Variants in KCNQ5 observed in about 807,000 individuals in gnomAD.
KCNQ5 encodes the protein potassium voltage-gated channel subfamily Q member 5.
In KCNQ5, 30 loss-of-function variants were observed where a neutral mutation model predicts 98.2. The observed-to-expected ratio is 0.31, with a 90% CI of 0.23 to 0.41. KCNQ5 has a LOEUF of 0.41. KCNQ5 is among the 10% of genes least tolerant of loss of function. KCNQ5 has a pLI of 1.00. For missense variants in KCNQ5, 835 were observed against 1,182.5 expected (o/e 0.71, Z 4.31); for synonymous variants, 458 against 449.4 (o/e 1.02, Z -0.24).
At chr6:73,073,318 A>G (rs981093932) in intron 3 of KCNQ5, among the ~76,000 whole-genome samples, 3 of 152,212 alleles carry the variant, frequency 2.0e-5, no homozygotes, top group Non-Finnish European at 4.4e-5. Flanking sequence ...TGGCTTGAAG[A>G]ATTAAATAAA....
intron 1 of KCNQ5, among the ~76,000 whole-genome samples, chr6:72,853,552 CA>C (rs2150144958): frequency 6.6e-6 from 1 of 152,262 alleles, no homozygotes; most frequent in East Asian, 1.9e-4. Flanking sequence ...CCATGTTGGC[CA>C]AAGTGGTCTC....
At chr6:72,655,559 C>A (rs1410870415) in intron 1 of KCNQ5, among the ~76,000 whole-genome samples, 2 of 151,948 alleles carry the variant, frequency 1.3e-5, no homozygotes, top group Non-Finnish European at 2.9e-5. Context: ...GGATGAGGAA[C>A]AACATGGGCA....
intron 1 of KCNQ5, among the ~76,000 whole-genome samples, chr6:72,937,988 A>G (rs192278252): frequency 1.6e-4 from 24 of 152,276 alleles, no homozygotes; most frequent in Admixed American, 8.5e-4. Flanking sequence ...CACTCTTTCT[A>G]AGTCTGTTTT....
intron 1 of KCNQ5, among the ~76,000 whole-genome samples, chr6:72,970,766 C>T (rs1008969215): frequency 1.3e-5 from 2 of 152,126 alleles, no homozygotes; most frequent in African/African-American, 2.4e-5. Context: ...CCCTATTTAA[C>T]AGATGGTGCT....
At chr6:72,733,781 C>A (rs1343128480) in intron 1 of KCNQ5, among the ~76,000 whole-genome samples, 4 of 152,198 alleles carry the variant, frequency 2.6e-5, no homozygotes, top group African/African-American at 9.7e-5. Context: ...TTAATGGTTT[C>A]TAATGGGTAA....
intron 1 of KCNQ5, among the ~76,000 whole-genome samples, chr6:72,698,387 G>A (rs184064108): frequency 2.6e-5 from 4 of 152,122 alleles, no homozygotes; most frequent in Admixed American, 1.3e-4. Flanking sequence ...GTTTTGAGTA[G>A]AGATGGGGTT....
At chr6:73,095,040 C>T (rs1455171507) in intron 5 of KCNQ5, among the ~76,000 whole-genome samples, 3 of 152,198 alleles carry the variant, frequency 2.0e-5, no homozygotes, top group African/African-American at 7.2e-5. Context: ...GATTTCTCTT[C>T]TTCCTCAAGA....
chr6:72,808,891 G>T (rs1404904694), intron 1 of KCNQ5, among the ~76,000 whole-genome samples: 1 of 151,924 alleles, frequency 6.6e-6, no homozygotes, highest in Admixed American at 6.6e-5. Context: ...CCATTACTGG[G>T]TATATACCCA....
intron 1 of KCNQ5, among the ~76,000 whole-genome samples, chr6:72,983,191 G>GT (rs756308003): frequency 2.0e-5 from 3 of 152,164 alleles, no homozygotes; most frequent in Non-Finnish European, 4.4e-5. Context: ...GGTGTTCTCT[G>GT]TATTTCCTGA....
At chr6:73,073,923 G>A (rs942409208) in intron 3 of KCNQ5, among the ~76,000 whole-genome samples, 5 of 152,078 alleles carry the variant, frequency 3.3e-5, no homozygotes, top group African/African-American at 1.2e-4. Flanking sequence ...AAACTCTAAT[G>A]GATGATAGCT....
intron 1 of KCNQ5, among the ~76,000 whole-genome samples, chr6:72,808,114 A>C (rs1775043616): frequency 6.6e-6 from 1 of 152,192 alleles, no homozygotes; most frequent in African/African-American, 2.4e-5. Flanking sequence ...ATGGGGACAG[A>C]AATTGAAGGA....
chr6:73,133,921 A>G, intron 10 of KCNQ5: 1 of 555,568 alleles, frequency 1.8e-6, no homozygotes, highest in Non-Finnish European at 3.5e-6. Flanking sequence ...TATTTCTCAG[A>G]CAAGGGCCAC....
At chr6:72,728,402 A>C (rs9342967) in intron 1 of KCNQ5, among the ~76,000 whole-genome samples, 55,630 of 152,048 alleles carry the variant, frequency 0.37, 13,793 homozygotes, top group African/African-American at 0.67. Context: ...ATTTAAAAAA[A>C]AAGTTATCTA....
At chr6:72,688,307 T>A (rs1440856888) in intron 1 of KCNQ5, among the ~76,000 whole-genome samples, 1 of 152,214 alleles carries the variant, frequency 6.6e-6, no homozygotes, top group Non-Finnish European at 1.5e-5. Flanking sequence ...TAAGGTTCAC[T>A]CTTTTAAGAG....
At chr6:72,830,264 CTG>C in intron 1 of KCNQ5, among the ~76,000 whole-genome samples, 2 of 152,136 alleles carry the variant, frequency 1.3e-5, no homozygotes, top group African/African-American at 4.8e-5. Context: ...AAAAAAGAGC[CTG>C]CATTGCCAAG....
At chr6:72,748,586 A>T (rs945586976) in intron 1 of KCNQ5, among the ~76,000 whole-genome samples, 2 of 152,152 alleles carry the variant, frequency 1.3e-5, no homozygotes, top group African/African-American at 2.4e-5. Context: ...TAATTTAAGG[A>T]GTTTCTTGCT....
intron 11 of KCNQ5, among the ~76,000 whole-genome samples, chr6:73,180,166 A>G (rs890774138): frequency 5.3e-5 from 8 of 152,194 alleles, no homozygotes; most frequent in African/African-American, 1.9e-4. Flanking sequence ...GTCTTGCACC[A>G]TGCTTGTAGA....
At chr6:72,761,630 A>G (rs552310243) in intron 1 of KCNQ5, among the ~76,000 whole-genome samples, 6 of 152,010 alleles carry the variant, frequency 3.9e-5, no homozygotes, top group African/African-American at 1.4e-4. Flanking sequence ...ATGAAATAAT[A>G]TAAATATTCT....
intron 11 of KCNQ5, among the ~76,000 whole-genome samples, chr6:73,171,017 T>C (rs1001449692): frequency 3.9e-5 from 6 of 152,190 alleles, no homozygotes; most frequent in Admixed American, 6.5e-5. Context: ...GTTAGCATGA[T>C]TGATTACTTA....
Sources: gnomAD v4.1 joint callset for allele counts (sites outside exome capture counted in the v4.1 genomes callset) on GRCh38, gnomAD v4.1.1 for gene constraint, MANE v1.5 for transcripts, NCBI Gene and HGNC (gene_info 2026-07-23, HGNC 2026-07-21) for gene names.